TFEC: variants seen among roughly 807,000 people sequenced by gnomAD.
TFEC encodes the protein class E basic helix-loop-helix protein 34.
Under a neutral mutation model 41.6 loss-of-function variants are expected in TFEC, and 31 were observed. The observed-to-expected ratio is 0.74, with a 90% CI of 0.56 to 1.01. The LOEUF (loss-of-function observed/expected upper bound fraction) is 1.01, where lower values mean the gene tolerates loss of function less well. Ranked by LOEUF, TFEC falls within the 50% of genes least tolerant of loss-of-function variation. TFEC has a pLI of 0.00. For missense variants in TFEC, 402 were observed against 404.1 expected (o/e 0.99, Z 0.04); for synonymous variants, 143 against 140.6 (o/e 1.02, Z -0.12).
intron 1 of TFEC, among the ~76,000 whole-genome samples, chr7:116,116,271 T>C (rs1166895833): frequency 1.3e-5 from 2 of 151,842 alleles, no homozygotes; most frequent in Non-Finnish European, 2.9e-5. Context: ...TAGTTTAGCT[T>C]GGAGAAGAAA....
intron 1 of TFEC, among the ~76,000 whole-genome samples, chr7:116,142,884 T>C (rs1441955524): frequency 6.6e-6 from 1 of 152,136 alleles, no homozygotes; most frequent in Non-Finnish European, 1.5e-5. Flanking sequence ...TAACTATCAA[T>C]AATAAAAAAT....
chr7:116,088,552 A>T (rs59852369), intron 3 of TFEC, among the ~76,000 whole-genome samples: 25,521 of 151,978 alleles, frequency 0.17, 2,277 homozygotes, highest in East Asian at 0.36. Context: ...TATATTTTTT[A>T]AAAAACCTAT....
At chr7:116,008,818 T>C (rs1379237323) in intron 1 of TFEC, among the ~76,000 whole-genome samples, 2 of 152,182 alleles carry the variant, frequency 1.3e-5, no homozygotes, top group African/African-American at 2.4e-5. Flanking sequence ...AAGTTTTACT[T>C]AGGTTTCTGA....
intron 3 of TFEC, among the ~76,000 whole-genome samples, chr7:116,109,984 C>A (rs1797814118): frequency 6.6e-6 from 1 of 152,080 alleles, no homozygotes. Flanking sequence ...GGACAAAAAA[C>A]CAAACACCGC....
chr7:116,102,539 A>C (rs1797627896), intron 3 of TFEC, among the ~76,000 whole-genome samples: 1 of 152,168 alleles, frequency 6.6e-6, no homozygotes, highest in Non-Finnish European at 1.5e-5. Flanking sequence ...AGCAACAATA[A>C]AGGAAGGAGG....
intron 3 of TFEC, among the ~76,000 whole-genome samples, chr7:116,059,747 T>G (rs1796510191): frequency 6.6e-6 from 1 of 151,974 alleles, no homozygotes; most frequent in African/African-American, 2.4e-5. Flanking sequence ...TATGATCAGC[T>G]CAGTAGACAT....
chr7:116,107,243 C>T (rs1188510807), intron 3 of TFEC, among the ~76,000 whole-genome samples: 2 of 152,072 alleles, frequency 1.3e-5, no homozygotes, highest in African/African-American at 4.8e-5. Context: ...CTGTACAACC[C>T]CTTTTGCCTC....
intron 3 of TFEC, among the ~76,000 whole-genome samples, chr7:115,973,682 T>A (rs1408127453): frequency 6.6e-6 from 1 of 152,048 alleles, no homozygotes; most frequent in Admixed American, 6.6e-5. Context: ...GCCTGTTCTA[T>A]CTTTTTCGAT....
chr7:116,092,804 G>A (rs550431894), intron 3 of TFEC, among the ~76,000 whole-genome samples: 17 of 152,188 alleles, frequency 1.1e-4, no homozygotes, highest in Admixed American at 2.6e-4. Flanking sequence ...GGGTCACCTC[G>A]ATAGTCACTG....
At chr7:116,010,091 G>A (rs1385862567) in intron 1 of TFEC, among the ~76,000 whole-genome samples, 2 of 152,098 alleles carry the variant, frequency 1.3e-5, no homozygotes. Context: ...GTGGTGAAAG[G>A]AAGCAAGGGG....
chr7:115,985,033 G>A (rs1000333722), intron 1 of TFEC, among the ~76,000 whole-genome samples: 3 of 151,950 alleles, frequency 2.0e-5, no homozygotes, highest in Non-Finnish European at 4.4e-5. Flanking sequence ...AAATCTAGAT[G>A]ATTTTTTTCT....
intron 3 of TFEC, among the ~76,000 whole-genome samples, chr7:115,973,120 A>G (rs1376800141): frequency 6.6e-6 from 1 of 152,016 alleles, no homozygotes; most frequent in East Asian, 1.9e-4. Context: ...GCAACAAAAA[A>G]CAGATTTGAA....
intron 1 of TFEC, among the ~76,000 whole-genome samples, chr7:116,011,290 G>A (rs1041007741): frequency 1.3e-5 from 2 of 152,024 alleles, no homozygotes; most frequent in Non-Finnish European, 2.9e-5. Context: ...TGCTTATTGA[G>A]TAAATAGCAC....
At position 116,093,516 on chromosome 7, in the gene TFEC, C is replaced by T. The variant is rs1310488061; in HGVS notation, c.198+17192G>A. ...CTCCACAATTTAATATATGACTAAC[C>T]TGTTAAATGGCTTTAGCGTGGGTCT... On this transcript the variant is annotated intron_variant, in intron 3 of 8. Coordinates refer to the TFEC transcript ENST00000484212. 2.0e-5 allele frequency among the ~76,000 whole-genome samples: 3 copies of T among 152,102 alleles called. No individual in the cohort carries two copies. The East Asian group carries it at 5.8e-4, about 29-fold the overall frequency.
intron 1 of TFEC, among the ~76,000 whole-genome samples, chr7:116,026,892 A>C (rs928880931): frequency 1.3e-5 from 2 of 152,224 alleles, no homozygotes; most frequent in Non-Finnish European, 2.9e-5. Context: ...GAAGAGGAAA[A>C]GTGATTGGCT....
intron 1 of TFEC, among the ~76,000 whole-genome samples, chr7:116,019,067 A>G (rs1033908780): frequency 1.1e-4 from 17 of 152,152 alleles, no homozygotes; most frequent in African/African-American, 4.1e-4. Context: ...GAGTGAGGAA[A>G]AAAAAATAGC....
chr7:116,145,855 A>G (rs1798630412), intron 1 of TFEC, among the ~76,000 whole-genome samples: 2 of 152,212 alleles, frequency 1.3e-5, no homozygotes, highest in African/African-American at 4.8e-5. Context: ...CAAAACCCCT[A>G]TAACAACCAA....
At chr7:116,158,210 A>C (rs73448545) in intron 1 of TFEC, among the ~76,000 whole-genome samples, 2 of 151,962 alleles carry the variant, frequency 1.3e-5, no homozygotes, top group Non-Finnish European at 2.9e-5. Context: ...TTGTCACCTA[A>C]ATTTTTTCAG....
At chr7:116,084,745 C>T (rs1341349033) in intron 3 of TFEC, among the ~76,000 whole-genome samples, 1 of 151,814 alleles carries the variant, frequency 6.6e-6, no homozygotes, top group African/African-American at 2.4e-5. Flanking sequence ...TTTTCAAAAT[C>T]TTTTAAAAAT....
Sources: gnomAD v4.1 joint callset for allele counts (sites outside exome capture counted in the v4.1 genomes callset) on GRCh38, gnomAD v4.1.1 for gene constraint, MANE v1.5 for transcripts, NCBI Gene and HGNC (gene_info 2026-07-23, HGNC 2026-07-21) for gene names.